Variants in SGSH observed in about 807,000 individuals in gnomAD.
SGSH encodes the protein heparan sulfate sulfatase.
Under a neutral mutation model 51.0 loss-of-function variants are expected in SGSH, and 48 were observed. That is an observed-to-expected ratio of 0.94 (90% CI 0.75 to 1.20). The LOEUF is 1.20. Among genes scored for constraint, SGSH ranks in the 50% most tolerant of loss-of-function variants. SGSH has a pLI of 0.00. For missense variants in SGSH, 662 were observed against 717.8 expected (o/e 0.92, Z 0.89); for synonymous variants, 321 against 313.4 (o/e 1.02, Z -0.26).
At position 80,209,555 on chromosome 17, in the gene SGSH, C is replaced by T. The variant is rs561947366; in HGVS notation, c.*897G>A. 2.9e-4 allele frequency: 288 copies of T among 984,930 alleles called. 2 individuals are homozygous for T. In the African/African-American group the frequency reaches 4.3e-3, roughly 15 times the overall value. 61.0% of individuals were successfully genotyped at this position (984,930 alleles called of 1,614,324 possible). A position where few individuals can be genotyped will look rare whatever the true frequency, so the allele number is the denominator to read the frequency against. On this transcript the variant is annotated 3_prime_UTR_variant, in exon 8 of 8. Coordinates refer to ENST00000326317, the MANE Select transcript of SGSH (RefSeq NM_000199.5). ...CCAAGAATTAACCCAAGCCAGAGGA[C>T]GGGCATCGCCACCCAGCAACGCCAG...
downstream of SGSH, chr17:80,208,001 T>G: frequency 1.7e-6 from 1 of 588,296 alleles, no homozygotes; most frequent in Non-Finnish European, 2.8e-6. Context: ...CTGGGGCCTA[T>G]TTTCTTTACA....
chr17:80,208,466 C>T, downstream of SGSH: 2 of 933,308 alleles, frequency 2.1e-6, no homozygotes, highest in East Asian at 2.7e-5. Flanking sequence ...GCCGGCTCTC[C>T]CCACTGGCTG....
Position 80,214,647 on chromosome 17 carries a change from G to C in SGSH, c.474C>G (p.Leu158=), listed in dbSNP as rs75828254. The change falls in exon 4 of 8, where the codon CTC becomes CTG. Residue 158 remains leucine, a synonymous_variant. Transcript: ENST00000326317. ...CCTGAGTCTGCAGGAATTTCCGGACGAGCAGCTTAATTCTAGTGATGTTCC... is the reference window on the plus strand; with the variant it reads ...CCTGAGTCTGCAGGAATTTCCGGACCAGCAGCTTAATTCTAGTGATGTTCC... ...VGRNITRIKL[L]VRKFLQTQDD... is the part of the protein sequence containing the mutation. 7 of 1,613,444 alleles carry C rather than the reference G, an allele frequency of 4.3e-6. No homozygotes were observed. The African/African-American group carries it at 8.0e-5, about 18-fold the overall frequency.
rs1431312870 is a variant in SGSH, at chr17:80,212,586, G to C, written c.746-312C>G. The C allele has an allele frequency of 6.7e-6, 3 of 450,720 alleles. No individual in the cohort carries two copies. Among genetic ancestry groups the C allele is most frequent in the East Asian group, 9.4e-5 (2 of 21,168 alleles). 27.9% of individuals were successfully genotyped at this position (450,720 alleles called of 1,614,324 possible). ...GCTTTTGAGTTCTCCGGAATCTCGT[G>C]TCTGTCCCATGGAGCAAATAGGGCA... On this transcript the variant is annotated intron_variant, in intron 6 of 7. Coordinates refer to ENST00000326317, the MANE Select transcript of SGSH (RefSeq NM_000199.5). The surrounding 1 kb of genome is among the most constrained non-coding windows in gnomAD (Gnocchi z 5.9).
the SGSH span, chr17:80,201,020 T>C: frequency 3.3e-5 from 5 of 152,526 alleles, no homozygotes; most frequent in African/African-American, 1.2e-4. This position sits in a 1 kb window ranked among gnomAD's most constrained non-coding sequence, Gnocchi z 5.0. Context: ...CATGGACCAG[T>C]ACCAGTATGT....
chr17:80,208,274 C>G, downstream of SGSH: 1 of 1,597,640 alleles, frequency 6.3e-7, no homozygotes, highest in Non-Finnish European at 8.5e-7. Flanking sequence ...GGACGGCCTG[C>G]TCAGCTGTGT....
downstream of SGSH, chr17:80,206,965 C>A (rs777494484): frequency 2.5e-6 from 4 of 1,605,892 alleles, no homozygotes; most frequent in Middle Eastern, 6.6e-4. Flanking sequence ...CTCCCTCCCA[C>A]AAAGAACACC....
chr17:80,217,116 G>A lies in SGSH; in HGVS notation c.165C>T (p.Arg55=). ...IATPHLDALA[R]RSLLFRNAFT... is the part of the protein sequence containing the mutation. Reference sequence around the variant, plus strand: ...AGGCATTGCGAAAGAGGAGGCTGCGGCGGGCCAAGGCGTCCAGGTGCGGGG... The same window carrying A: ...AGGCATTGCGAAAGAGGAGGCTGCGACGGGCCAAGGCGTCCAGGTGCGGGG... Residue 55 remains arginine (R), a synonymous_variant, in exon 2 of 8, where the codon CGC becomes CGT. Coordinates refer to ENST00000326317, the MANE Select transcript of SGSH (RefSeq NM_000199.5). 1 of 1,601,586 alleles carries A rather than the reference G, an allele frequency of 6.2e-7. No homozygotes were observed. The highest frequency in any genetic ancestry group is 8.5e-7 in the Non-Finnish European group (1 of 1,175,806).
chr17:80,216,095 G>A (rs558010882), intron 2 of SGSH, among the ~76,000 whole-genome samples: 2 of 152,256 alleles, frequency 1.3e-5, no homozygotes, highest in Admixed American at 6.5e-5. Context: ...TTGGGAGGTC[G>A]AGGCGGGCAG....
chr17:80,205,326 C>A, downstream of SGSH: 13 of 1,164,472 alleles, frequency 1.1e-5, no homozygotes, highest in Non-Finnish European at 1.6e-5. Flanking sequence ...CACATTCCCA[C>A]ACTCACCTGC....
At chr17:80,211,993 G>C in intron 7 of SGSH, 78 bp downstream of exon 7, 2 of 1,173,780 alleles carry the variant, frequency 1.7e-6, no homozygotes, top group South Asian at 2.5e-5. Context: ...AATGGGTGTG[G>C]AGCAGCATCT....
intron 3 of SGSH, 133 bp downstream of exon 3, chr17:80,214,900 G>T (rs2041829895): frequency 1.5e-6 from 2 of 1,307,344 alleles, no homozygotes; most frequent in South Asian, 2.4e-5. Flanking sequence ...CCCAGGCCCA[G>T]ATCCTTTGGG....
Position 80,212,800 on chromosome 17 carries a change from T to G in SGSH, c.746-526A>C, listed in dbSNP as rs7223037. 0.023 allele frequency: 4,573 copies of G among 195,846 alleles called. 186 individuals carry two copies. The highest frequency in any genetic ancestry group is 0.085 in the African/African-American group (3,641 of 42,642). The allele number at this position is 195,846 out of a possible 1,614,324, so 12.1% of individuals were successfully genotyped here. On this transcript the variant is annotated intron_variant, in intron 6 of 7. Transcript: ENST00000326317. This position sits in a 1 kb window ranked among gnomAD's most constrained non-coding sequence, Gnocchi z 5.9. The stretch of plus-strand genomic sequence containing the variant: ...ATGTGTGCTGGAATCTGTGAAGGGG[T>G]TCTTGTTTGGAAAGGGGAACTTCAC...
intron 1 of SGSH, among the ~76,000 whole-genome samples, chr17:80,219,100 C>T (rs1198754049): frequency 7.9e-6 from 1 of 126,418 alleles, no homozygotes; most frequent in Non-Finnish European, 1.6e-5. Flanking sequence ...ATTGAGGCTG[C>T]AGTGAGCTGT....
downstream of SGSH, chr17:80,208,156 G>C (rs2041450692): frequency 6.5e-7 from 1 of 1,544,376 alleles, no homozygotes; most frequent in Non-Finnish European, 8.7e-7. Context: ...TACAGCGGTT[G>C]GGCACCTCAG....
intron 2 of SGSH, among the ~76,000 whole-genome samples, chr17:80,216,127 G>A (rs565327456): frequency 8.1e-4 from 123 of 152,158 alleles, no homozygotes; most frequent in African/African-American, 2.9e-3. Flanking sequence ...CCAGGAGTTC[G>A]AAACCAGCCT....
chr17:80,211,035 A>G (rs749308322), intron 7 of SGSH, 24 bp from the exon 8 acceptor site: 6 of 1,597,998 alleles, frequency 3.8e-6, no homozygotes, highest in Non-Finnish European at 5.1e-6. Flanking sequence ...GGCATCTCAG[A>G]GCAGCAGAGC....
chr17:80,201,618 C>A, the SGSH span: 1 of 934,130 alleles, frequency 1.1e-6, no homozygotes, highest in Non-Finnish European at 1.7e-6. This position sits in a 1 kb window ranked among gnomAD's most constrained non-coding sequence, Gnocchi z 5.0. Flanking sequence ...TTGACCAAGG[C>A]GTGCAGGCAG....
rs144862290 is a variant in SGSH, at chr17:80,210,678, C to T, written c.1283G>A (p.Arg428His). ...CCAGCGCGCCCGGTAGTAGTAATGACGGAGGTCCTTGTACCAGCCCGTGGG... is the reference window on the plus strand; with the variant it reads ...CCAGCGCGCCCGGTAGTAGTAATGATGGAGGTCCTTGTACCAGCCCGTGGG... ...GQPTGWYKDL[R>H]HYYYRARWEL... The change falls in exon 8 of 8, where the codon CGT becomes CAT. Residue 428 changes from arginine (R) to histidine (H), a missense_variant. Coordinates refer to ENST00000326317, the MANE Select transcript of SGSH (RefSeq NM_000199.5). 536 of 1,614,036 alleles carry T rather than the reference C, an allele frequency of 3.3e-4. 1 individual carries two copies. In the African/African-American group the frequency reaches 6.5e-3, roughly 20 times the overall value.
Sources: allele counts gnomAD v4.1 joint callset (sites outside exome capture counted in the v4.1 genomes callset), GRCh38; gene constraint gnomAD v4.1.1; non-coding constraint Gnocchi (gnomAD v3.1); transcripts MANE v1.5; gene names NCBI Gene and HGNC (gene_info 2026-07-23, HGNC 2026-07-21).